DENND5B: variants seen among roughly 807,000 people sequenced by gnomAD.
DENND5B encodes the protein DENN domain-containing protein 5B.
Under a neutral mutation model 140.6 loss-of-function variants are expected in DENND5B, and 34 were observed. The observed-to-expected ratio is 0.24, with a 90% confidence interval of 0.18 to 0.32. DENND5B has a LOEUF of 0.32. Ranked by LOEUF, DENND5B falls within the 10% of genes least tolerant of loss-of-function variation. The pLI, the probability that DENND5B is intolerant of heterozygous loss-of-function variation, is 1.00. For synonymous variants in DENND5B, 551 were observed against 562.1 expected (o/e 0.98, Z 0.28); for missense variants, 1,142 against 1,560.2 (o/e 0.73, Z 4.52).
chr12:31,474,682 T>C (rs1426218678), intron 3 of DENND5B, among the ~76,000 whole-genome samples: 1 of 152,198 alleles, frequency 6.6e-6, no homozygotes, highest in Non-Finnish European at 1.5e-5. Flanking sequence ...CATAGCTTTA[T>C]CAGTGAGTAA....
intron 7 of DENND5B, among the ~76,000 whole-genome samples, chr12:31,440,359 T>C (rs1250685686): frequency 6.6e-6 from 1 of 152,114 alleles, no homozygotes; most frequent in Non-Finnish European, 1.5e-5. Context: ...TAGCACATTT[T>C]TTAAGTTCAG....
At chr12:31,460,472 A>T (rs1276222532) in intron 3 of DENND5B, 91 bp from the exon 4 acceptor site, 19 of 1,268,918 alleles carry the variant, frequency 1.5e-5, no homozygotes, top group Non-Finnish European at 2.0e-5. Flanking sequence ...TAAGAAAAAA[A>T]TTTCTGCGTT....
At chr12:31,546,639 T>A (rs1440638978) in intron 1 of DENND5B, among the ~76,000 whole-genome samples, 1 of 152,118 alleles carries the variant, frequency 6.6e-6, no homozygotes, top group Non-Finnish European at 1.5e-5. Flanking sequence ...TGAGCCGAGA[T>A]CACGCCACTG....
At chr12:31,574,295 A>AATTATT (rs1555175991) in intron 1 of DENND5B, among the ~76,000 whole-genome samples, 4 of 144,576 alleles carry the variant, frequency 2.8e-5, no homozygotes, top group African/African-American at 1.0e-4. Context: ...TAATAATAAT[A>AATTATT]ATTTAAAAGG....
intron 1 of DENND5B, among the ~76,000 whole-genome samples, chr12:31,532,234 TAA>T (rs1948313069): frequency 2.6e-5 from 4 of 152,104 alleles, no homozygotes; most frequent in Admixed American, 1.3e-4. Context: ...ACCTAGGACT[TAA>T]AGAATAATTA....
chr12:31,584,647 C>T (rs1055238374), intron 1 of DENND5B, among the ~76,000 whole-genome samples: 1 of 151,780 alleles, frequency 6.6e-6, no homozygotes, highest in African/African-American at 2.4e-5. Flanking sequence ...GTAGAGATGG[C>T]AAAACCCCAT....
rs1946009100 is a variant in DENND5B, at chr12:31,480,186, T to G, written c.307A>C (p.Ile103Leu). The stretch of plus-strand genomic sequence containing the variant: ...CGAGAACCATCTTCCCTGGTAATTA[T>G]AAATGAGTGAAACTGGGGGTCTTTA... ...DNKDPQFHSFIITREDGSRTY... is the reference protein window; with the variant it reads ...DNKDPQFHSFLITREDGSRTY... The change falls in exon 3 of 21, where the codon ATA (isoleucine) becomes CTA (leucine). Residue 103 changes from isoleucine to leucine, a missense_variant. Ile to Leu is a conservative substitution (Grantham distance 5). Around this residue, in one of 5 missense-constraint regions of DENND5B, gnomAD observed 708 missense variants for 905.5 expected, o/e 0.78. Transcript: ENST00000389082. 6.2e-7 allele frequency: 1 copy of G among 1,603,074 alleles called. No homozygotes were observed. Among genetic ancestry groups the G allele is most frequent in the African/African-American group, 1.3e-5 (1 of 74,722 alleles).
chr12:31,586,475 T>C (rs1014460903), intron 1 of DENND5B, among the ~76,000 whole-genome samples: 2 of 152,226 alleles, frequency 1.3e-5, no homozygotes, highest in African/African-American at 4.8e-5. Context: ...CACCATAAAG[T>C]TTCTAAGTCC....
At chr12:31,499,676 A>G in intron 1 of DENND5B, 1 of 1,467,822 alleles carries the variant, frequency 6.8e-7, no homozygotes, top group African/African-American at 1.4e-5. Flanking sequence ...ACAAAACTAC[A>G]TAATGTAACA....
intron 8 of DENND5B, chr12:31,432,019 A>T (rs978594219): frequency 3.2e-5 from 31 of 972,940 alleles, no homozygotes; most frequent in Non-Finnish European, 4.9e-6. Flanking sequence ...CATCTGGTAA[A>T]GCACTTTCAA....
At chr12:31,480,276 A>T (rs1251366188) in intron 2 of DENND5B, 21 bp from the exon 3 acceptor site, 2 of 1,468,036 alleles carry the variant, frequency 1.4e-6, no homozygotes, top group Admixed American at 2.7e-5. Flanking sequence ...AAGAAAAAAA[A>T]AAATCAGAAT....
intron 1 of DENND5B, among the ~76,000 whole-genome samples, chr12:31,546,594 G>A (rs1592021117): frequency 6.6e-6 from 1 of 152,140 alleles, no homozygotes; most frequent in African/African-American, 2.4e-5. Context: ...GGCTGAGGCA[G>A]GAGAATCGCT....
chr12:31,500,461 C>T (rs78330498), intron 1 of DENND5B: 5,258 of 440,372 alleles, frequency 0.012, 53 homozygotes, highest in East Asian at 0.027. Context: ...AGGTGAATTG[C>T]TTGAGGTCAG....
Position 31,460,310 on chromosome 12 carries a change from A to G in DENND5B, c.976T>C (p.Tyr326His). 1 of 1,614,002 alleles carries G rather than the reference A, an allele frequency of 6.2e-7. No individual in the cohort carries two copies. The highest frequency in any genetic ancestry group is 8.5e-7 in the Non-Finnish European group (1 of 1,179,884). Residue 326 changes from tyrosine to histidine, a missense_variant, in exon 4 of 21, where the codon TAT becomes CAT. Tyr to His is a moderately conservative substitution (Grantham distance 83, BLOSUM62 2). This residue lies in a region of DENND5B where 708 missense variants were observed against 905.5 expected (regional missense o/e 0.78). Transcript: ENST00000389082. ...LLFPFQWQHVYVPILPASLLH... is the reference protein window; with the variant it reads ...LLFPFQWQHVHVPILPASLLH... ...AGAGAAGCAGGTAGAATGGGCACAT[A>G]AACATGTTGCCATTGAAATGGGAAC...
At chr12:31,482,943 C>T (rs1158967023) in intron 2 of DENND5B, among the ~76,000 whole-genome samples, 1 of 152,232 alleles carries the variant, frequency 6.6e-6, no homozygotes, top group African/African-American at 2.4e-5. Flanking sequence ...GGAAGCCCTG[C>T]ATGACTCAGC....
At chr12:31,500,298 A>G (rs1946952045) in intron 1 of DENND5B, 1 of 430,624 alleles carries the variant, frequency 2.3e-6, no homozygotes, top group Admixed American at 2.8e-5. Context: ...AAAGTTTCAA[A>G]TTTTGGAGTA....
chr12:31,574,457 G>C (rs944979156), intron 1 of DENND5B, among the ~76,000 whole-genome samples: 1 of 151,826 alleles, frequency 6.6e-6, no homozygotes, highest in African/African-American at 2.4e-5. Flanking sequence ...GGGCATGCTG[G>C]TGCATGCCTG....
intron 1 of DENND5B, among the ~76,000 whole-genome samples, chr12:31,499,822 G>C (rs1946934912): frequency 6.6e-6 from 1 of 152,218 alleles, no homozygotes; most frequent in Admixed American, 6.5e-5. Context: ...AACACCAATG[G>C]AATGTAGCTG....
At chr12:31,432,063 AT>A in intron 8 of DENND5B, 3 of 985,240 alleles carry the variant, frequency 3.0e-6, no homozygotes, top group Non-Finnish European at 3.6e-6. Context: ...TCAGAGAAGG[AT>A]TTTTTAGGAA....
Sources: gnomAD v4.1 joint callset for allele counts (sites outside exome capture counted in the v4.1 genomes callset) on GRCh38, gnomAD v4.1.1 for gene constraint, gnomAD v4.1.1 regional missense constraint, MANE v1.5 for transcripts, NCBI Gene and HGNC (gene_info 2026-07-23, HGNC 2026-07-21) for gene names.